NEO1: variants seen among roughly 807,000 people sequenced by gnomAD.
NEO1 encodes neogenin.
In NEO1, 63 loss-of-function variants were observed where a neutral mutation model predicts 159.7. The ratio of observed to expected loss-of-function variants is 0.39; its 90% CI spans 0.32 to 0.49. The LOEUF is 0.49. Among genes scored for constraint, NEO1 ranks in the 20% least tolerant of loss-of-function variants. The probability of loss-of-function intolerance (pLI) is 0.85; values close to 1 mark genes in which losing one functional copy is unlikely to be tolerated. For synonymous variants in NEO1, 633 were observed against 662.0 expected (o/e 0.96, Z 0.67); for missense variants, 1,615 against 1,831.0 (o/e 0.88, Z 2.15).
intron 22 of NEO1, among the ~76,000 whole-genome samples, chr15:73,280,982 GA>G (rs1383197531): frequency 1.3e-5 from 2 of 151,818 alleles, no homozygotes; most frequent in African/African-American, 4.8e-5. Flanking sequence ...GAGGTAGGCA[GA>G]TCACGAGGTC....
intron 1 of NEO1, 100 bp from the exon 2 acceptor site, chr15:73,116,440 A>G: frequency 1.0e-6 from 1 of 975,492 alleles, no homozygotes. Context: ...ACATTCAAAG[A>G]ACAACAGTTA....
intron 7 of NEO1, among the ~76,000 whole-genome samples, chr15:73,206,797 G>C (rs1258597956): frequency 1.3e-5 from 2 of 151,528 alleles, no homozygotes; most frequent in South Asian, 2.1e-4. Flanking sequence ...TTAATTTTAA[G>C]AATGGCATTT....
Position 73,122,772 on chromosome 15 carries a change from T to C in NEO1, c.696T>C (p.Ser232=). ...VVESGGPPKY[S]DEVELKVLPD... is the part of the protein sequence containing the mutation. ...AAAGTGGTGGGCCACCAAAGTATAGTGATGAAGTTGAATTGAAGGTTCTTC... is the reference window on the plus strand; with the variant it reads ...AAAGTGGTGGGCCACCAAAGTATAGCGATGAAGTTGAATTGAAGGTTCTTC... The change falls in exon 3 of 29, where the codon AGT becomes AGC. Residue 232 remains serine, a synonymous_variant. Transcript: ENST00000261908. The C allele has an allele frequency of 5.0e-6, 8 of 1,614,174 alleles. No homozygotes were observed. Among genetic ancestry groups the C allele is most frequent in the Non-Finnish European group, 6.8e-6 (8 of 1,179,994 alleles).
intron 28 of NEO1, 91 bp from the exon 29 acceptor site, chr15:73,302,522 C>T: frequency 2.5e-6 from 3 of 1,187,526 alleles, no homozygotes; most frequent in Non-Finnish European, 3.7e-6. Flanking sequence ...CATTTGACTA[C>T]TGACCACATG....
chr15:73,076,220 C>T (rs1273291540), intron 1 of NEO1, among the ~76,000 whole-genome samples: 1 of 152,098 alleles, frequency 6.6e-6, no homozygotes, highest in Non-Finnish European at 1.5e-5. Context: ...TGAATATTTT[C>T]ATTTTTATTA....
chr15:73,223,784 C>T (rs2038420956), intron 7 of NEO1, among the ~76,000 whole-genome samples: 1 of 152,166 alleles, frequency 6.6e-6, no homozygotes, highest in Admixed American at 6.5e-5. Flanking sequence ...ATTCAGTGTT[C>T]ATATTGAGAT....
At chr15:73,176,789 G>A (rs2035301341) in intron 6 of NEO1, among the ~76,000 whole-genome samples, 1 of 152,138 alleles carries the variant, frequency 6.6e-6, no homozygotes, top group Non-Finnish European at 1.5e-5. Flanking sequence ...TAAGCCTAGA[G>A]TCTAGACTCT....
intron 7 of NEO1, among the ~76,000 whole-genome samples, chr15:73,228,563 T>C (rs1025788306): frequency 6.6e-6 from 1 of 151,848 alleles, no homozygotes; most frequent in Non-Finnish European, 1.5e-5. Flanking sequence ...GTTGTTGTTG[T>C]TGTTTTTGTT....
chr15:73,177,640 G>C (rs373787351), intron 6 of NEO1, among the ~76,000 whole-genome samples: 9 of 152,156 alleles, frequency 5.9e-5, no homozygotes, highest in East Asian at 1.9e-4. Flanking sequence ...TCAAACTCCT[G>C]GGCTTAAGCG....
At chr15:73,092,569 A>T (rs1395504101) in intron 1 of NEO1, among the ~76,000 whole-genome samples, 12 of 152,160 alleles carry the variant, frequency 7.9e-5, no homozygotes, top group Non-Finnish European at 1.5e-4. Flanking sequence ...TATCTTCTGT[A>T]CCTGGTCTTT....
At chr15:73,185,352 T>C (rs551921718) in intron 7 of NEO1, among the ~76,000 whole-genome samples, 2 of 152,300 alleles carry the variant, frequency 1.3e-5, no homozygotes, top group South Asian at 2.1e-4. Flanking sequence ...GGGATGTTGA[T>C]AATGGGGGAA....
chr15:73,084,436 A>G (rs945876835), intron 1 of NEO1, among the ~76,000 whole-genome samples: 8 of 152,304 alleles, frequency 5.3e-5, no homozygotes, highest in African/African-American at 9.6e-5. Context: ...TGTACTTAAA[A>G]TGTCCTCCAG....
chr15:73,188,822 G>T (rs1332538957), intron 7 of NEO1, among the ~76,000 whole-genome samples: 2 of 152,136 alleles, frequency 1.3e-5, no homozygotes. Context: ...TTTAGGCTGG[G>T]TGCAGTGGCT....
chr15:73,259,789 T>A (rs1466681879), intron 14 of NEO1, among the ~76,000 whole-genome samples: 6 of 152,206 alleles, frequency 3.9e-5, no homozygotes, highest in Non-Finnish European at 5.9e-5. Flanking sequence ...CAAACTTTCA[T>A]GTTTTCTGAC....
chr15:73,165,446 C>G (rs1240313984), intron 5 of NEO1, among the ~76,000 whole-genome samples: 1 of 152,052 alleles, frequency 6.6e-6, no homozygotes, highest in Non-Finnish European at 1.5e-5. Flanking sequence ...CAGAAAAATC[C>G]AACTGTAGAA....
At position 73,166,897 on chromosome 15, in the gene NEO1, T is replaced by G. The variant is rs192899187; in HGVS notation, c.1016-9506T>G. Among the ~76,000 whole-genome samples, 14 of 152,030 alleles carry G rather than the reference T, an allele frequency of 9.2e-5. No homozygotes were observed. In the East Asian group the frequency reaches 2.5e-3, roughly 27 times the overall value. On this transcript the variant is annotated intron_variant, in intron 5 of 28. Transcript: ENST00000261908. ...GGACATGTGTCCATCAATGATAGAC[T>G]GGATTAAGAAAATGTGGCACATATA... is the stretch of plus-strand genomic sequence containing the variant.
intron 22 of NEO1, among the ~76,000 whole-genome samples, chr15:73,280,946 C>G (rs1160030118): frequency 6.6e-6 from 1 of 151,910 alleles, no homozygotes; most frequent in Non-Finnish European, 1.5e-5. Context: ...TGGCTCATGC[C>G]TGTAATCCCA....
intron 26 of NEO1, among the ~76,000 whole-genome samples, chr15:73,297,606 C>T (rs1046580357): frequency 3.9e-5 from 6 of 152,180 alleles, no homozygotes; most frequent in African/African-American, 1.4e-4. Context: ...CTCCAGAGTC[C>T]GTGCTTTTCT....
chr15:73,134,775 G>A (rs1024002468), intron 4 of NEO1, among the ~76,000 whole-genome samples: 4 of 152,042 alleles, frequency 2.6e-5, no homozygotes, highest in Admixed American at 2.0e-4. Context: ...TTGGGAGGCC[G>A]GGGCGGGTGG....
Sources: gnomAD v4.1 joint callset for allele counts (sites outside exome capture counted in the v4.1 genomes callset) on GRCh38, gnomAD v4.1.1 for gene constraint, MANE v1.5 for transcripts, NCBI Gene and HGNC (gene_info 2026-07-23, HGNC 2026-07-21) for gene names.